Variants in ZNF512 observed in about 807,000 individuals in gnomAD.
The protein encoded by ZNF512 is zinc finger protein 512.
ZNF512 carries 25 observed loss-of-function variants against 77.5 expected under a neutral mutation model. The ratio of observed to expected loss-of-function variants is 0.32; its 90% CI spans 0.23 to 0.45. The LOEUF (loss-of-function observed/expected upper bound fraction) is 0.45. Ranked by LOEUF, ZNF512 falls within the 20% of genes least tolerant of loss-of-function variation. The pLI is 1.00. For synonymous variants in ZNF512, 246 were observed against 239.9 expected, an observed-to-expected ratio of 1.03 and a Z score of -0.24; for missense variants, 483 against 692.6, an observed-to-expected ratio of 0.70 and a Z score of 3.40.
intron 7 of ZNF512, 60 bp from the exon 8 acceptor site, chr2:27,602,403 T>C (rs1385382813): frequency 1.3e-6 from 2 of 1,523,532 alleles, no homozygotes; most frequent in Non-Finnish European, 8.9e-7. Context: ...TGATATTTTT[T>C]TTCCCTGTGT....
intron 11 of ZNF512, 77 bp downstream of exon 11, chr2:27,615,346 G>T: frequency 2.1e-6 from 2 of 931,242 alleles, no homozygotes; most frequent in South Asian, 1.9e-5. Flanking sequence ...ATTCCTTCAT[G>T]ACAAAGTACC....
chr2:27,609,924 T>G (rs901754012), intron 10 of ZNF512, among the ~76,000 whole-genome samples: 39 of 146,592 alleles, frequency 2.7e-4, no homozygotes, highest in Admixed American at 2.4e-3. Flanking sequence ...AGCTATAGTC[T>G]CAGGTACTGG....
chr2:27,612,987 C>T (rs537214875), intron 10 of ZNF512, among the ~76,000 whole-genome samples: 3 of 152,154 alleles, frequency 2.0e-5, no homozygotes, highest in Non-Finnish European at 4.4e-5. Flanking sequence ...GAGATATGTT[C>T]TGAGTCACTA....
intron 2 of ZNF512, among the ~76,000 whole-genome samples, chr2:27,589,710 G>T (rs908785710): frequency 6.6e-5 from 10 of 152,018 alleles, no homozygotes; most frequent in African/African-American, 2.4e-4. Context: ...TCTAAGTATT[G>T]CTTTAGTTGC....
At chr2:27,587,170 T>C (rs919350583) in intron 2 of ZNF512, among the ~76,000 whole-genome samples, 1 of 152,180 alleles carries the variant, frequency 6.6e-6, no homozygotes, top group African/African-American at 2.4e-5. Flanking sequence ...AAAGTGGTAT[T>C]ATTTTGCATT....
chr2:27,597,861 C>G (rs568636484), intron 2 of ZNF512, among the ~76,000 whole-genome samples: 8 of 152,176 alleles, frequency 5.3e-5, no homozygotes, highest in Admixed American at 1.3e-4. Flanking sequence ...ACTGCTTACT[C>G]TTATTACAAT....
At chr2:27,589,659 T>C (rs913665915) in intron 2 of ZNF512, among the ~76,000 whole-genome samples, 1 of 152,170 alleles carries the variant, frequency 6.6e-6, no homozygotes, top group Non-Finnish European at 1.5e-5. Context: ...AAGTCATTGA[T>C]TTTAGATCGT....
chr2:27,609,168 A>G, intron 10 of ZNF512, among the ~76,000 whole-genome samples: 1 of 151,954 alleles, frequency 6.6e-6, no homozygotes, highest in East Asian at 1.9e-4. Flanking sequence ...TCTAACACTT[A>G]TGTCTTTTTT....
At chr2:27,599,104 G>C (rs1326378629) in intron 3 of ZNF512, among the ~76,000 whole-genome samples, 1 of 151,938 alleles carries the variant, frequency 6.6e-6, no homozygotes, top group Non-Finnish European at 1.5e-5. Flanking sequence ...GCCAAAGTCT[G>C]TAATCTCAAA....
At chr2:27,591,899 C>G (rs1424078788) in intron 2 of ZNF512, among the ~76,000 whole-genome samples, 1 of 152,210 alleles carries the variant, frequency 6.6e-6, no homozygotes, top group Non-Finnish European at 1.5e-5. Flanking sequence ...AACCCATGGT[C>G]ATTTAAATCA....
chr2:27,618,071 C>T (rs1274800974), intron 13 of ZNF512, among the ~76,000 whole-genome samples: 1 of 151,992 alleles, frequency 6.6e-6, no homozygotes, highest in Non-Finnish European at 1.5e-5. Context: ...AGGCACCTGC[C>T]ACCATGCCTG....
chr2:27,603,573 A>AGT (rs11273312), intron 9 of ZNF512, among the ~76,000 whole-genome samples: 19 of 133,176 alleles, frequency 1.4e-4, no homozygotes, highest in African/African-American at 2.8e-4. Flanking sequence ...ATTTTTATAT[A>AGT]GTGTGTGTGT....
chr2:27,610,486 A>ATGTG (rs1454194070), intron 10 of ZNF512, among the ~76,000 whole-genome samples: 9 of 132,898 alleles, frequency 6.8e-5, no homozygotes, highest in African/African-American at 2.4e-4. Context: ...GTGTATATAT[A>ATGTG]TATATGTGTA....
intron 2 of ZNF512, among the ~76,000 whole-genome samples, chr2:27,588,330 T>C (rs990950637): frequency 1.3e-5 from 2 of 152,020 alleles, no homozygotes; most frequent in African/African-American, 4.8e-5. Context: ...TCTTAAGAAA[T>C]AATAATAATT....
intron 2 of ZNF512, among the ~76,000 whole-genome samples, chr2:27,594,470 C>T (rs1671756690): frequency 7.1e-6 from 1 of 141,548 alleles, no homozygotes; most frequent in Non-Finnish European, 1.5e-5. Context: ...GGCGGCCGGG[C>T]AGAGGTGCTC....
intron 6 of ZNF512, 52 bp from the exon 7 acceptor site, chr2:27,601,304 A>C: frequency 7.3e-7 from 1 of 1,361,156 alleles, no homozygotes. Flanking sequence ...ACTTCATGAC[A>C]TTCTGTTTCT....
Position 27,583,055 on chromosome 2 carries a change from A to G in ZNF512, c.-58A>G. Reference sequence around the variant, plus strand: ...CCCACATCCGGGAGAGGAGAGCGGAAGTGGCGTTGGTCTGGCCGGAGCCCT... The same window carrying G: ...CCCACATCCGGGAGAGGAGAGCGGAGGTGGCGTTGGTCTGGCCGGAGCCCT... On this transcript the variant is annotated 5_prime_UTR_variant, in exon 1 of 14. Transcript: ENST00000355467. The G allele has an allele frequency of 6.2e-7, 1 of 1,601,866 alleles. No homozygotes were observed. Among genetic ancestry groups the G allele is most frequent in the Non-Finnish European group, 8.6e-7 (1 of 1,168,892 alleles).
chr2:27,620,572 A>G (rs939249860), intron 13 of ZNF512, among the ~76,000 whole-genome samples: 1 of 152,184 alleles, frequency 6.6e-6, no homozygotes, highest in Non-Finnish European at 1.5e-5. Context: ...TCAACTCCCT[A>G]TTCTGGCTTT....
chr2:27,583,098 C>T lies in ZNF512; in HGVS notation c.-15C>T, dbSNP rs758595579. 1 of 1,613,792 alleles carries T rather than the reference C, an allele frequency of 6.2e-7. No individual in the cohort carries two copies. Among genetic ancestry groups the T allele is most frequent in the Non-Finnish European group, 8.5e-7 (1 of 1,179,964 alleles). ...GGAGCCCTTGGGTGAAATTGTTAGG[C>T]GTGGAGAGGGAGTGATGTCTTCCAG... On this transcript the variant is annotated 5_prime_UTR_variant, in exon 1 of 14. Transcript: ENST00000355467.
Sources: allele counts gnomAD v4.1 joint callset (sites outside exome capture counted in the v4.1 genomes callset), GRCh38; gene constraint gnomAD v4.1.1; transcripts MANE v1.5; gene names NCBI Gene and HGNC (gene_info 2026-07-23, HGNC 2026-07-21).